The following TRIM56 variants were observed in gnomAD, a reference collection of about 807,000 sequenced individuals.
TRIM56 encodes the protein tripartite motif containing 56.
In TRIM56, 10 loss-of-function variants were observed where a neutral mutation model predicts 17.1. The ratio of observed to expected loss-of-function variants is 0.58; its 90% CI spans 0.36 to 0.99. The LOEUF is 0.99. TRIM56 is among the 50% of genes least tolerant of loss of function. TRIM56 has a pLI of 0.01. For synonymous variants in TRIM56, 503 were observed against 473.5 expected (o/e 1.06, Z -0.81); for missense variants, 923 against 1,052.3 (o/e 0.88, Z 1.70).
Position 101,088,137 on chromosome 7 carries a change from G to T in TRIM56, c.825G>T (p.Gly275=). The change falls in exon 3 of 3, where the codon GGG becomes GGT. Residue 275 remains glycine (G), a synonymous_variant. Transcript: ENST00000306085. ...TGGCCCAGAAGCAGGAGGTGCTGGG[G>T]CAGCTACGAGCCCACGTGGAGGCTG... ...ALLAQKQEVL[G]QLRAHVEAAE... is the part of the protein sequence containing the mutation. 1.3e-6 allele frequency: 2 copies of T among 1,499,622 alleles called. No individual in the cohort carries two copies. The allele number at this position is 1,499,622 out of a possible 1,614,324, so 92.9% of individuals were successfully genotyped here.
Position 101,088,861 on chromosome 7 carries a change from G to T in TRIM56, c.1549G>T (p.Gly517Cys). Residue 517 changes from glycine (G) to cysteine (C), a missense_variant, in exon 3 of 3, where the codon GGT (glycine) becomes TGT (cysteine). Around this residue, in one of 3 missense-constraint regions of TRIM56, gnomAD observed 643 missense variants for 665.6 expected, o/e 0.97. Transcript: ENST00000306085. ...CCGGATCACCGGGCTCTGTCCCTTC[G>T]GTCCCCGGGAGATCCTGGTGGCGGA... Reference protein sequence around the residue: ...SPRITGLCPFGPREILVADEQ... With the variant: ...SPRITGLCPFCPREILVADEQ... The T allele has an allele frequency of 6.2e-7, 1 of 1,613,870 alleles. No homozygotes were observed. The highest frequency in any genetic ancestry group is 8.5e-7 in the Non-Finnish European group (1 of 1,180,040).
Position 101,094,206 on chromosome 7 carries a change from T to C in TRIM56, c.*4626T>C, listed in dbSNP as rs1373049121. On this transcript the variant is annotated 3_prime_UTR_variant, in exon 3 of 3. Coordinates refer to ENST00000306085, the MANE Select transcript of TRIM56 (RefSeq NM_030961.3). The stretch of plus-strand genomic sequence containing the variant: ...ATGAAAACTATTGAGAAGAAATAGT[T>C]ACGTGATACAGTCATAATCCTCAAA... The C allele has an allele frequency of 6.6e-6, 1 of 152,224 alleles. No individual in the cohort carries two copies. Among genetic ancestry groups the C allele is most frequent in the Non-Finnish European group, 1.5e-5 (1 of 68,046 alleles). 9.4% of individuals were successfully genotyped at this position (152,224 alleles called of 1,614,324 possible). A position where few individuals can be genotyped will look rare whatever the true frequency, so the allele number is the denominator to read the frequency against.
rs1309095131 is a variant in TRIM56, at chr7:101,089,329, G to T, written c.2017G>T (p.Gly673Trp). The T allele has an allele frequency of 5.0e-6, 8 of 1,604,848 alleles. No homozygotes were observed. The highest frequency in any genetic ancestry group is 6.8e-6 in the Non-Finnish European group (8 of 1,173,254). The change falls in exon 3 of 3, where the codon GGG (glycine) becomes TGG (tryptophan). Residue 673 changes from glycine to tryptophan, a missense_variant. Transcript: ENST00000306085. ...GGGCCAGGTGGTTGGGGAGTACAAGGGGCCAGGCCTGCATGGCTGCCAGCC... is the reference window on the plus strand; with the variant it reads ...GGGCCAGGTGGTTGGGGAGTACAAGTGGCCAGGCCTGCATGGCTGCCAGCC... ...GLGQVVGEYK[G>W]PGLHGCQPGS...
chr7:101,091,506 C>A lies in TRIM56; in HGVS notation c.*1926C>A. ...CTCTGGGAGGCTGGGGTGGGTGGAT[C>A]ACTCAAGGTCAGGAGTTCGAGACCA... On this transcript the variant is annotated 3_prime_UTR_variant, in exon 3 of 3. Transcript: ENST00000306085. 1 of 281,392 alleles carries A rather than the reference C, an allele frequency of 3.6e-6. No homozygotes were observed. Among genetic ancestry groups the A allele is most frequent in the South Asian group, 2.8e-5 (1 of 35,360 alleles). 17.4% of individuals were successfully genotyped at this position (281,392 alleles called of 1,614,324 possible).
rs111572673 is a variant in TRIM56, at chr7:101,088,945, C to T, written c.1633C>T (p.Pro545Ser). 1,075 of 1,613,266 alleles carry T rather than the reference C, an allele frequency of 6.7e-4. 1 individual carries two copies. Among genetic ancestry groups the T allele is most frequent in the Non-Finnish European group, 8.8e-4 (1,040 of 1,180,036 alleles). ...SLNGDYKGTV[P>S]VPEGCSPCSV... ...CAACGGCGACTACAAGGGCACCGTG[C>T]CGGTCCCTGAGGGCTGCTCCCCTTG... is the stretch of plus-strand genomic sequence containing the variant. Residue 545 changes from proline (P) to serine (S), a missense_variant, in exon 3 of 3, where the codon CCG becomes TCG. Around this residue, in one of 3 missense-constraint regions of TRIM56, gnomAD observed 643 missense variants for 665.6 expected, o/e 0.97. Transcript: ENST00000306085.
Position 101,088,299 on chromosome 7 carries a change from A to G in TRIM56, c.987A>G (p.Ala329=), listed in dbSNP as rs80253622. Reference sequence around the variant, plus strand: ...TCCTCTCCCTGGAAGGGGCGATCGCACAGCGGCTCAGGCAGCTGCAGGGCT... The same window carrying G: ...TCCTCTCCCTGGAAGGGGCGATCGCGCAGCGGCTCAGGCAGCTGCAGGGCT... ...AEILSLEGAI[A]QRLRQLQGCP... is the part of the protein sequence containing the mutation. The change falls in exon 3 of 3, where the codon GCA becomes GCG. Residue 329 remains alanine (A), a synonymous_variant. Transcript: ENST00000306085. 1,033 of 1,525,548 alleles carry G rather than the reference A, an allele frequency of 6.8e-4. 5 individuals are homozygous for G. The African/African-American group carries it at 0.013, about 19-fold the overall frequency. 94.5% of individuals were successfully genotyped at this position (1,525,548 alleles called of 1,614,324 possible). A position where few individuals can be genotyped will look rare whatever the true frequency, so the allele number is the denominator to read the frequency against.
In TRIM56 at chr7:101,089,093, T is replaced by C. The variant is rs1250063502; in HGVS notation, c.1781T>C (p.Val594Ala). The change falls in exon 3 of 3, where the codon GTG becomes GCG. Residue 594 changes from valine (V) to alanine (A), a missense_variant. By Grantham distance (64) the Val-to-Ala change is moderately conservative. Coordinates refer to ENST00000306085, the MANE Select transcript of TRIM56 (RefSeq NM_030961.3). ...ALSLSQASHAVAALPSGDRVA... is the reference protein window; with the variant it reads ...ALSLSQASHAAAALPSGDRVA... ...AGCCTCTCCCAGGCCAGCCACGCGG[T>C]GGCGGCACTGCCTAGCGGGGACCGC... 6.3e-7 allele frequency: 1 copy of C among 1,599,124 alleles called. No individual in the cohort carries two copies. The highest frequency in any genetic ancestry group is 1.7e-5 in the Admixed American group (1 of 59,610).
chr7:101,087,173 G>C lies in TRIM56; in HGVS notation c.-2+5G>C, dbSNP rs570293538. Reference sequence around the variant, plus strand: ...AGGAAGTTCCTGGCCATTCAGGTGAGACCTCAGGTTCCTTCCCGGCCATTT... The same window carrying C: ...AGGAAGTTCCTGGCCATTCAGGTGACACCTCAGGTTCCTTCCCGGCCATTT... On this transcript the variant is annotated splice_donor_5th_base_variant and intron_variant, in intron 2 of 2. Coordinates refer to ENST00000306085, the MANE Select transcript of TRIM56 (RefSeq NM_030961.3). The C allele has an allele frequency of 6.2e-5, 48 of 779,682 alleles. No individual in the cohort carries two copies. The South Asian group carries it at 8.0e-4, about 13-fold the overall frequency. The allele number at this position is 779,682 out of a possible 1,614,324, so 48.3% of individuals were successfully genotyped here. A position where few individuals can be genotyped will look rare whatever the true frequency, so the allele number is the denominator to read the frequency against.
Position 101,087,943 on chromosome 7 carries a change from G to A in TRIM56, c.631G>A (p.Ala211Thr), listed in dbSNP as rs1795480219. The A allele has an allele frequency of 2.5e-6, 4 of 1,599,050 alleles. No homozygotes were observed. Among genetic ancestry groups the A allele is most frequent in the Non-Finnish European group, 2.5e-6 (3 of 1,177,362 alleles). ...PCLPLAEAVR[A>T]RRPGLEGLLA... Reference sequence around the variant, plus strand: ...CCTGCCTCTGGCTGAAGCTGTGCGTGCCCGGAGGCCGGGCCTGGAGGGACT... The same window carrying A: ...CCTGCCTCTGGCTGAAGCTGTGCGTACCCGGAGGCCGGGCCTGGAGGGACT... Residue 211 changes from alanine to threonine, a missense_variant, in exon 3 of 3, where the codon GCC becomes ACC. Physicochemically the swap from Ala to Thr is moderately conservative, Grantham distance 58 (BLOSUM62 0). Coordinates refer to ENST00000306085, the MANE Select transcript of TRIM56 (RefSeq NM_030961.3).
rs1394145497 is a variant in TRIM56, at chr7:101,091,670, T to C, written c.*2090T>C. 2.3e-6 allele frequency: 1 copy of C among 437,470 alleles called. No individual in the cohort carries two copies. Among genetic ancestry groups the C allele is most frequent in the Non-Finnish European group, 4.5e-6 (1 of 221,462 alleles). 27.1% of individuals were successfully genotyped at this position (437,470 alleles called of 1,614,324 possible). Reference sequence around the variant, plus strand: ...TGAACCCAGGAGGTGGAAGTTGCAGTGAGCTCAGATCGCACCATTGCACTC... The same window carrying C: ...TGAACCCAGGAGGTGGAAGTTGCAGCGAGCTCAGATCGCACCATTGCACTC... On this transcript the variant is annotated 3_prime_UTR_variant, in exon 3 of 3. Transcript: ENST00000306085.
chr7:101,087,299 C>T lies in TRIM56; in HGVS notation c.-1-13C>T. On this transcript the variant is annotated splice_polypyrimidine_tract_variant and intron_variant, in intron 2 of 2. Coordinates refer to ENST00000306085, the MANE Select transcript of TRIM56 (RefSeq NM_030961.3). ...TGCCTTCTCAACTCTGATCCTGACG[C>T]CTCTGCCTGCAGCATGGTTTCCCAC... 2 of 1,606,438 alleles carry T rather than the reference C, an allele frequency of 1.2e-6. No individual in the cohort carries two copies. Among genetic ancestry groups the T allele is most frequent in the Non-Finnish European group, 1.7e-6 (2 of 1,175,528 alleles).
rs908452301 is a variant in TRIM56 at position 101,097,717 on chromosome 7, A to G, written c.*8137A>G. 6 of 152,208 alleles carry G rather than the reference A, an allele frequency of 3.9e-5. No individual in the cohort carries two copies. Among genetic ancestry groups the G allele is most frequent in the African/African-American group, 1.4e-4 (6 of 41,444 alleles). 9.4% of individuals were successfully genotyped at this position (152,208 alleles called of 1,614,324 possible). On this transcript the variant is annotated 3_prime_UTR_variant, in exon 3 of 3. Coordinates refer to ENST00000306085, the MANE Select transcript of TRIM56 (RefSeq NM_030961.3). The stretch of plus-strand genomic sequence containing the variant: ...GTTAGAACTGGTTGACTTAGCAACC[A>G]AGGGACACTGGGTCAAAGACGAGGA...
In TRIM56 at chr7:101,089,523, C is replaced by T. The variant is rs371440591; in HGVS notation, c.2211C>T (p.Val737=). 1.6e-5 allele frequency: 26 copies of T among 1,613,982 alleles called. No homozygotes were observed. The highest frequency in any genetic ancestry group is 2.2e-5 in the South Asian group (2 of 91,066). Reference sequence around the variant, plus strand: ...CCATGGTGGATGGCAGGTACCTGGTCGTGTCCCTCAGTAACGGGACCATCC... The same window carrying T: ...CCATGGTGGATGGCAGGTACCTGGTTGTGTCCCTCAGTAACGGGACCATCC... ...VTTMVDGRYL[V]VSLSNGTIHI... is the part of the protein sequence containing the mutation. The change falls in exon 3 of 3, where the codon GTC becomes GTT. Residue 737 remains valine, a synonymous_variant. Coordinates refer to ENST00000306085, the MANE Select transcript of TRIM56 (RefSeq NM_030961.3).
In TRIM56 at chr7:101,087,244, G is replaced by A. The variant is rs552691434; in HGVS notation, c.-1-68G>A. ...GGATCCGTGGGGCTTGAGGACGGGC[G>A]GTAGAAGCTAGAGGGTGAGCTGGTG... On this transcript the variant is annotated intron_variant, in intron 2 of 2. Coordinates refer to ENST00000306085, the MANE Select transcript of TRIM56 (RefSeq NM_030961.3). The A allele has an allele frequency of 2.5e-5, 36 of 1,428,618 alleles. No homozygotes were observed. In the African/African-American group the frequency reaches 3.8e-4, roughly 15 times the overall value. The allele number at this position is 1,428,618 out of a possible 1,614,324, so 88.5% of individuals were successfully genotyped here.
Position 101,091,964 on chromosome 7 carries a change from T to G in TRIM56, c.*2384T>G, listed in dbSNP as rs1262972787. On this transcript the variant is annotated 3_prime_UTR_variant, in exon 3 of 3. Coordinates refer to ENST00000306085, the MANE Select transcript of TRIM56 (RefSeq NM_030961.3). ...CGCCACGCCTGACTGGTTTTCGTAT[T>G]TTTTTGGTGGAGACGGGGTTTCACT... The G allele has an allele frequency of 6.6e-6, 2 of 303,154 alleles. No individual in the cohort carries two copies. Among genetic ancestry groups the G allele is most frequent in the South Asian group, 2.4e-5 (1 of 41,678 alleles). The allele number at this position is 303,154 out of a possible 1,614,324, so 18.8% of individuals were successfully genotyped here.
At position 101,095,729 on chromosome 7, in the gene TRIM56, A is replaced by G. The variant is rs928807051; in HGVS notation, c.*6149A>G. 1 of 152,250 alleles carries G rather than the reference A, an allele frequency of 6.6e-6. No individual in the cohort carries two copies. The highest frequency in any genetic ancestry group is 1.5e-5 in the Non-Finnish European group (1 of 68,074). The allele number at this position is 152,250 out of a possible 1,614,324, so 9.4% of individuals were successfully genotyped here. ...GAGGGAAATATTAAGTTTTCTTCGT[A>G]AAGAGGTGAGGGGGGCGAGAGCAGC... On this transcript the variant is annotated 3_prime_UTR_variant, in exon 3 of 3. Coordinates refer to ENST00000306085, the MANE Select transcript of TRIM56 (RefSeq NM_030961.3).
Position 101,088,018 on chromosome 7 carries a change from G to C in TRIM56, c.706G>C (p.Val236Leu). The change falls in exon 3 of 3, where the codon GTG becomes CTG. Residue 236 changes from valine to leucine, a missense_variant. By Grantham distance (32) the Val-to-Leu change is conservative (BLOSUM62 1). Around this residue, in one of 3 missense-constraint regions of TRIM56, gnomAD observed 643 missense variants for 665.6 expected, o/e 0.97. Coordinates refer to ENST00000306085, the MANE Select transcript of TRIM56 (RefSeq NM_030961.3). ...NLVELEAARRVEKEALARLRE... is the reference protein window; with the variant it reads ...NLVELEAARRLEKEALARLRE... ...GGTGGAGCTGGAGGCAGCGCGGAGGGTGGAGAAGGAGGCGCTAGCCCGGCT... is the reference window on the plus strand; with the variant it reads ...GGTGGAGCTGGAGGCAGCGCGGAGGCTGGAGAAGGAGGCGCTAGCCCGGCT... The C allele has an allele frequency of 6.4e-7, 1 of 1,569,726 alleles. No homozygotes were observed. The highest frequency in any genetic ancestry group is 8.6e-7 in the Non-Finnish European group (1 of 1,164,126).
rs28709821 is a variant in TRIM56, at chr7:101,092,606, G to C, written c.*3026G>C. On this transcript the variant is annotated 3_prime_UTR_variant, in exon 3 of 3. Transcript: ENST00000306085. ...GGTCAGCCCCCTCCCGGCCAGCCGC[G>C]CCGTCCGGGAGGGAGGTGGGGGGTC... 15,444 of 116,752 alleles carry C rather than the reference G, an allele frequency of 0.13. 922 individuals are homozygous for C. Among genetic ancestry groups the C allele is most frequent in the African/African-American group, 0.18 (3,753 of 20,678 alleles). The allele number at this position is 116,752 out of a possible 1,614,324, so 7.2% of individuals were successfully genotyped here. A position where few individuals can be genotyped will look rare whatever the true frequency, so the allele number is the denominator to read the frequency against.
In TRIM56 at chr7:101,091,809, C is replaced by T. The variant is rs901287847; in HGVS notation, c.*2229C>T. 2.4e-6 allele frequency: 1 copy of T among 422,604 alleles called. No homozygotes were observed. Among genetic ancestry groups the T allele is most frequent in the African/African-American group, 2.2e-5 (1 of 45,382 alleles). 26.2% of individuals were successfully genotyped at this position (422,604 alleles called of 1,614,324 possible). A position where few individuals can be genotyped will look rare whatever the true frequency, so the allele number is the denominator to read the frequency against. ...CCACGGTCTCCCTCTGCCTCTCTTT[C>T]CATGGTCACGGTCTCCCTCTGATGC... On this transcript the variant is annotated 3_prime_UTR_variant, in exon 3 of 3. Coordinates refer to ENST00000306085, the MANE Select transcript of TRIM56 (RefSeq NM_030961.3).
Sources: gnomAD v4.1 joint callset for allele counts on GRCh38, gnomAD v4.1.1 for gene constraint, gnomAD v4.1.1 regional missense constraint, MANE v1.5 for transcripts, NCBI Gene and HGNC (gene_info 2026-07-23, HGNC 2026-07-21) for gene names.